Variants in ZNF592 observed in about 807,000 individuals in gnomAD.
ZNF592 encodes spinocerebellar ataxia, autosomal recessive 5.
A neutral mutation model predicts 80.3 loss-of-function variants in ZNF592; 11 were observed. The ratio of observed to expected loss-of-function variants is 0.14; its 90% CI spans 0.09 to 0.23. The LOEUF (loss-of-function observed/expected upper bound fraction) is 0.23, where lower values mean the gene tolerates loss of function less well. Ranked by LOEUF, ZNF592 falls within the 10% of genes least tolerant of loss-of-function variation. ZNF592 has a pLI of 1.00. For missense variants in ZNF592, 1,420 were observed against 1,633.9 expected (o/e 0.87, Z 2.26); for synonymous variants, 646 against 640.3 (o/e 1.01, Z -0.13).
chr15:84,753,739 C>T (rs1182085305), intron 1 of ZNF592, among the ~76,000 whole-genome samples: 2 of 152,220 alleles, frequency 1.3e-5, no homozygotes, highest in East Asian at 3.9e-4. Context: ...TCCTAAAGTG[C>T]TGGGATTACA....
intron 3 of ZNF592, among the ~76,000 whole-genome samples, chr15:84,778,692 A>G (rs1440294465): frequency 6.6e-6 from 1 of 152,100 alleles, no homozygotes; most frequent in East Asian, 1.9e-4. Context: ...CCCCCTGTGG[A>G]GATGCTACAC....
At chr15:84,795,121 T>C (rs1962857632) in intron 5 of ZNF592, among the ~76,000 whole-genome samples, 1 of 151,154 alleles carries the variant, frequency 6.6e-6, no homozygotes, top group Non-Finnish European at 1.5e-5. Flanking sequence ...ATGTAAAATA[T>C]GCATACACAT....
Position 84,798,502 on chromosome 15 carries a change from G to A in ZNF592, c.2736+28G>A, listed in dbSNP as rs199844264. On this transcript the variant is annotated intron_variant, in intron 7 of 10. Coordinates refer to ENST00000560079, the MANE Select transcript of ZNF592 (RefSeq NM_014630.3). This position sits in a 1 kb window ranked among gnomAD's most constrained non-coding sequence, Gnocchi z 4.5. ...GGGATGCCTTGCGGGAGGAGGCCGG[G>A]GAGGAGGGCACATGCCTCAGGCTGG... 10 of 1,613,852 alleles carry A rather than the reference G, an allele frequency of 6.2e-6. No individual in the cohort carries two copies. Among genetic ancestry groups the A allele is most frequent in the Non-Finnish European group, 7.6e-6 (9 of 1,179,848 alleles).
intron 1 of ZNF592, among the ~76,000 whole-genome samples, chr15:84,756,128 AAG>A (rs938105905): frequency 2.0e-5 from 3 of 152,134 alleles, no homozygotes; most frequent in African/African-American, 7.2e-5. Context: ...AGGGACTGTT[AAG>A]AGAGAGAGTT....
At chr15:84,760,989 G>A (rs1301587687) in intron 1 of ZNF592, among the ~76,000 whole-genome samples, 1 of 151,604 alleles carries the variant, frequency 6.6e-6, no homozygotes, top group Non-Finnish European at 1.5e-5. Flanking sequence ...TTAGGACAGA[G>A]TTTCCCTCTT....
rs1016970095 is a variant in ZNF592, at chr15:84,773,618, C to G, written c.-149-4565C>G. Among the ~76,000 whole-genome samples, 4 of 152,042 alleles carry G rather than the reference C, an allele frequency of 2.6e-5. No individual in the cohort carries two copies. The East Asian group carries it at 7.7e-4, about 29-fold the overall frequency. ...ACAGAGCACCCTGGGAATGTCCAAG[C>G]CCAGTACATATTTTATTTCAAACTT... is the stretch of plus-strand genomic sequence containing the variant. On this transcript the variant is annotated intron_variant, in intron 2 of 10. Transcript: ENST00000560079.
intron 4 of ZNF592, among the ~76,000 whole-genome samples, chr15:84,785,826 G>C (rs1962572067): frequency 6.6e-6 from 1 of 150,686 alleles, no homozygotes; most frequent in Non-Finnish European, 1.5e-5. Context: ...GTGCTTGTCT[G>C]CTTGTTTTGA....
intron 4 of ZNF592, among the ~76,000 whole-genome samples, chr15:84,785,582 G>A (rs972501758): frequency 2.0e-5 from 3 of 152,210 alleles, no homozygotes; most frequent in Non-Finnish European, 4.4e-5. Context: ...AGAGTGCTGG[G>A]ATTACAGGCG....
chr15:84,798,169 C>A lies in ZNF592; in HGVS notation c.2576+124C>A. 6.4e-7 allele frequency: 1 copy of A among 1,560,828 alleles called. No homozygotes were observed. The highest frequency in any genetic ancestry group is 8.7e-7 in the Non-Finnish European group (1 of 1,143,862). ...AGTGGCAGAGGTGCCTGGGGTCGTA[C>A]TAAGGATGTCCTGAGGCAGGGGAGC... On this transcript the variant is annotated intron_variant, in intron 6 of 10. Transcript: ENST00000560079. This position sits in a 1 kb window ranked among gnomAD's most constrained non-coding sequence, Gnocchi z 4.5.
chr15:84,777,398 C>T (rs1962285661), intron 2 of ZNF592, among the ~76,000 whole-genome samples: 2 of 150,900 alleles, frequency 1.3e-5, no homozygotes, highest in Non-Finnish European at 2.9e-5. Flanking sequence ...GTTGCTGGAA[C>T]CCGGGAAGTG....
At position 84,784,549 on chromosome 15, in the gene ZNF592, T is replaced by C. The variant is rs1304074017; in HGVS notation, c.1874T>C (p.Leu625Pro). Residue 625 changes from leucine to proline, a missense_variant, in exon 4 of 11, where the codon CTC becomes CCC. Physicochemically the swap from Leu to Pro is moderately conservative, Grantham distance 98. Around this residue, in one of 7 missense-constraint regions of ZNF592, gnomAD observed 524 missense variants for 628.3 expected, o/e 0.83. Transcript: ENST00000560079. This position sits in a 1 kb window ranked among gnomAD's most constrained non-coding sequence, Gnocchi z 5.8. ...VLCTLCSKTL[L>P]FFNKCSLLRH... is the part of the protein sequence containing the mutation. ...TGCACACTGTGCTCCAAGACGCTGC[T>C]CTTCTTCAACAAGTGCAGCCTGCTC... The C allele has an allele frequency of 6.2e-7, 1 of 1,614,176 alleles. No individual in the cohort carries two copies. Among genetic ancestry groups the C allele is most frequent in the East Asian group, 2.2e-5 (1 of 44,878 alleles).
At position 84,805,944 on chromosome 15, in the gene ZNF592, CTA is replaced by C. The variant is rs1963225430; in HGVS notation, c.*3553_*3554del. On this transcript the variant is annotated 3_prime_UTR_variant, in exon 11 of 11. Coordinates refer to ENST00000560079, the MANE Select transcript of ZNF592 (RefSeq NM_014630.3). ...TTTATAAATATGTATATTTATATAT[CTA>C]TTTTTAATACAAATAGTAGAATTCT... is the stretch of plus-strand genomic sequence containing the variant. 6.6e-6 allele frequency: 1 copy of C among 152,490 alleles called. No individual in the cohort carries two copies. Among genetic ancestry groups the C allele is most frequent in the African/African-American group, 2.4e-5 (1 of 41,402 alleles). The allele number at this position is 152,490 out of a possible 1,614,324, so 9.4% of individuals were successfully genotyped here.
intron 3 of ZNF592, among the ~76,000 whole-genome samples, chr15:84,781,390 AT>A (rs75113679): frequency 0.015 from 1,893 of 128,678 alleles, 19 homozygotes; most frequent in South Asian, 0.062. Context: ...TCTATCAAGT[AT>A]TTTTTTTTTT....
At chr15:84,794,651 ATTT>A (rs1481700071) in intron 5 of ZNF592, among the ~76,000 whole-genome samples, 1 of 151,904 alleles carries the variant, frequency 6.6e-6, no homozygotes, top group Non-Finnish European at 1.5e-5. Flanking sequence ...TAATTTTTGT[ATTT>A]TTAGTAGAGA....
At chr15:84,766,963 A>G (rs1899546089) in intron 2 of ZNF592, among the ~76,000 whole-genome samples, 3 of 152,084 alleles carry the variant, frequency 2.0e-5, no homozygotes, top group Non-Finnish European at 4.4e-5. Context: ...ACCACCAAAG[A>G]AAGAGTGATC....
chr15:84,792,291 G>T (rs569215339), intron 5 of ZNF592, among the ~76,000 whole-genome samples: 74 of 152,104 alleles, frequency 4.9e-4, no homozygotes, highest in Middle Eastern at 3.4e-3. Flanking sequence ...ATATTTCTTG[G>T]CAGGCATTTG....
At position 84,783,484 on chromosome 15, in the gene ZNF592, C is replaced by G. The variant is rs372605775; in HGVS notation, c.809C>G (p.Pro270Arg). ...CTTGGTACCTGCTCATCAGTCCCCC[C>G]TAGGCAGCGTCTAAAGCCAGCTCAT... The part of the protein sequence containing the change: ...RELGTCSSVP[P>R]RQRLKPAHSK... The change falls in exon 4 of 11, where the codon CCT becomes CGT. Residue 270 changes from proline (P) to arginine (R), a missense_variant. This residue lies in a region of ZNF592 where 373 missense variants were observed against 355.5 expected (regional missense o/e 1.05). Coordinates refer to ENST00000560079, the MANE Select transcript of ZNF592 (RefSeq NM_014630.3). This position sits in a 1 kb window ranked among gnomAD's most constrained non-coding sequence, Gnocchi z 5.0. 6.2e-7 allele frequency: 1 copy of G among 1,614,190 alleles called. No individual in the cohort carries two copies. The highest frequency in any genetic ancestry group is 8.5e-7 in the Non-Finnish European group (1 of 1,180,016).
At position 84,799,952 on chromosome 15, in the gene ZNF592, A is replaced by G. The variant is rs1408025347; in HGVS notation, c.3248A>G (p.Lys1083Arg). The G allele has an allele frequency of 6.2e-6, 10 of 1,614,046 alleles. No individual in the cohort carries two copies. Among genetic ancestry groups the G allele is most frequent in the Non-Finnish European group, 6.8e-6 (8 of 1,180,022 alleles). Reference sequence around the variant, plus strand: ...GATTTGAGCCAGACGTCCAAAGTGAAACCTCCGGGTGGACATTCCCCTCAG... The same window carrying G: ...GATTTGAGCCAGACGTCCAAAGTGAGACCTCCGGGTGGACATTCCCCTCAG... ...NPDLSQTSKVKPPGGHSPQVN... is the reference protein window; with the variant it reads ...NPDLSQTSKVRPPGGHSPQVN... The change falls in exon 10 of 11, where the codon AAA (lysine) becomes AGA (arginine). Residue 1083 changes from lysine (K) to arginine (R), a missense_variant. Coordinates refer to ENST00000560079, the MANE Select transcript of ZNF592 (RefSeq NM_014630.3). This position sits in a 1 kb window ranked among gnomAD's most constrained non-coding sequence, Gnocchi z 4.2.
In ZNF592 at chr15:84,759,962, C is replaced by T. The variant is rs1012369762; in HGVS notation, c.-258-4745C>T. ...TTAAGGATTGGGGAGATTCCCCCCC[C>T]CCCCACCCTGCCATTTAAAAAGTAA... On this transcript the variant is annotated intron_variant, in intron 1 of 10. Coordinates refer to ENST00000560079, the MANE Select transcript of ZNF592 (RefSeq NM_014630.3). 3.2e-4 allele frequency among the ~76,000 whole-genome samples: 24 copies of T among 74,212 alleles called. 2 individuals are homozygous for T. Among genetic ancestry groups the T allele is most frequent in the African/African-American group, 1.4e-3 (24 of 17,550 alleles). The allele number at this position is 74,212 out of a possible 152,430, so 48.7% of individuals were successfully genotyped here.
Sources: allele counts gnomAD v4.1 joint callset (sites outside exome capture counted in the v4.1 genomes callset), GRCh38; gene constraint gnomAD v4.1.1; regional missense constraint gnomAD v4.1.1; non-coding constraint Gnocchi (gnomAD v3.1); transcripts MANE v1.5; gene names NCBI Gene and HGNC (gene_info 2026-07-23, HGNC 2026-07-21).